KCNAB1: variants seen among roughly 807,000 people sequenced by gnomAD.
KCNAB1 encodes the protein potassium voltage-gated channel subfamily A regulatory beta subunit 1.
In KCNAB1, 35 loss-of-function variants were observed where a neutral mutation model predicts 64.6. That is an observed-to-expected ratio of 0.54 (90% CI 0.41 to 0.72). The LOEUF (loss-of-function observed/expected upper bound fraction) is 0.72, where lower values mean the gene tolerates loss of function less well. KCNAB1 is among the 30% of genes least tolerant of loss of function. The pLI is 0.00. For missense variants in KCNAB1, 401 were observed against 512.9 expected, an observed-to-expected ratio of 0.78 and a Z score of 2.11; for synonymous variants, 177 against 183.8, an observed-to-expected ratio of 0.96 and a Z score of 0.30.
intron 1 of KCNAB1, among the ~76,000 whole-genome samples, chr3:156,146,781 A>G (rs1177301256): frequency 3.3e-5 from 5 of 152,206 alleles, no homozygotes; most frequent in Admixed American, 3.3e-4. Context: ...TGCATATCAC[A>G]AATCTTATTT....
chr3:156,416,584 A>C (rs1715095481), intron 1 of KCNAB1, among the ~76,000 whole-genome samples: 1 of 152,262 alleles, frequency 6.6e-6, no homozygotes, highest in East Asian at 1.9e-4. Flanking sequence ...AGGGCCTACT[A>C]TCCTTTTATT....
intron 1 of KCNAB1, among the ~76,000 whole-genome samples, chr3:156,394,088 A>G (rs995214914): frequency 6.6e-6 from 1 of 152,218 alleles, no homozygotes; most frequent in Admixed American, 6.5e-5. Flanking sequence ...TTAAATGAGA[A>G]CAATATGTAC....
intron 1 of KCNAB1, among the ~76,000 whole-genome samples, chr3:156,413,953 G>T (rs1379692052): frequency 6.6e-6 from 1 of 152,158 alleles, no homozygotes; most frequent in Admixed American, 6.5e-5. Context: ...AGAGAAACAG[G>T]CATTAATTTT....
intron 1 of KCNAB1, among the ~76,000 whole-genome samples, chr3:156,383,145 A>C (rs1318789980): frequency 6.6e-6 from 1 of 152,168 alleles, no homozygotes; most frequent in Non-Finnish European, 1.5e-5. Context: ...CAGTGTGAAG[A>C]GATTAGATTG....
chr3:156,137,562 T>C (rs1714429195), intron 1 of KCNAB1, among the ~76,000 whole-genome samples: 1 of 151,946 alleles, frequency 6.6e-6, no homozygotes, highest in Middle Eastern at 3.2e-3. Flanking sequence ...CTTTTTTTTT[T>C]TTTTGAGACA....
At chr3:156,402,122 A>C (rs556051779) in intron 1 of KCNAB1, among the ~76,000 whole-genome samples, 1 of 151,780 alleles carries the variant, frequency 6.6e-6, no homozygotes, top group Non-Finnish European at 1.5e-5. Context: ...CACATTGTGC[A>C]TATGTACCCT....
chr3:156,438,963 G>C (rs1396589305), intron 2 of KCNAB1, among the ~76,000 whole-genome samples: 1 of 151,906 alleles, frequency 6.6e-6, no homozygotes, highest in East Asian at 1.9e-4. Flanking sequence ...GCAGTGAGCC[G>C]AGGTTGTGCC....
At chr3:156,343,499 T>C in intron 1 of KCNAB1, among the ~76,000 whole-genome samples, 1 of 152,206 alleles carries the variant, frequency 6.6e-6, no homozygotes, top group East Asian at 1.9e-4. Flanking sequence ...CCTCTGGCTA[T>C]AGAGAAGCTT....
chr3:156,193,634 A>C (rs748819986), intron 1 of KCNAB1, among the ~76,000 whole-genome samples: 3 of 152,136 alleles, frequency 2.0e-5, no homozygotes, highest in Non-Finnish European at 2.9e-5. Flanking sequence ...GATGAGAGAG[A>C]GTGAAGGGAG....
intron 1 of KCNAB1, among the ~76,000 whole-genome samples, chr3:156,299,556 T>G (rs1425120406): frequency 6.6e-6 from 1 of 152,256 alleles, no homozygotes; most frequent in Non-Finnish European, 1.5e-5. Flanking sequence ...AATGCTCATT[T>G]GGGCATTCTG....
chr3:156,119,984 C>T (rs1039124753), upstream of KCNAB1, among the ~76,000 whole-genome samples: 8 of 152,090 alleles, frequency 5.3e-5, no homozygotes, highest in Admixed American at 3.9e-4. Context: ...GTTACTGAAT[C>T]GGTTATGAGG....
chr3:156,532,364 C>T (rs1156271461), intron 13 of KCNAB1, among the ~76,000 whole-genome samples: 2 of 152,172 alleles, frequency 1.3e-5, no homozygotes, highest in Non-Finnish European at 2.9e-5. Flanking sequence ...CTGAGCCTAT[C>T]CTACTCTCAA....
At chr3:156,307,348 A>C (rs1721562256) in intron 1 of KCNAB1, among the ~76,000 whole-genome samples, 1 of 130,442 alleles carries the variant, frequency 7.7e-6, no homozygotes, top group Non-Finnish European at 1.6e-5. Flanking sequence ...GAACTTCTTA[A>C]GTTTGGATTC....
downstream of KCNAB1, chr3:156,538,664 A>T (rs1719242805): frequency 6.6e-6 from 1 of 152,254 alleles, no homozygotes; most frequent in Non-Finnish European, 1.5e-5. Context: ...ATATATGTAA[A>T]ACATACACAT....
chr3:156,355,646 ATCT>A (rs1725183454), intron 1 of KCNAB1, among the ~76,000 whole-genome samples: 1 of 152,206 alleles, frequency 6.6e-6, no homozygotes, highest in Non-Finnish European at 1.5e-5. Flanking sequence ...GAGCAAATTT[ATCT>A]TCTTAATCAA....
chr3:156,273,762 G>A (rs7639949), intron 1 of KCNAB1: 30,565 of 421,486 alleles, frequency 0.073, 1,593 homozygotes, highest in African/African-American at 0.18. Flanking sequence ...TTCCTGTGGG[G>A]AGGATGATCA....
chr3:156,130,102 G>A (rs1344648564), intron 1 of KCNAB1, among the ~76,000 whole-genome samples: 1 of 152,114 alleles, frequency 6.6e-6, no homozygotes, highest in African/African-American at 2.4e-5. Context: ...TCTATATGGT[G>A]GAAATAAAAA....
At chr3:156,409,360 C>G (rs983701343) in intron 1 of KCNAB1, among the ~76,000 whole-genome samples, 9 of 152,146 alleles carry the variant, frequency 5.9e-5, no homozygotes, top group Admixed American at 1.3e-4. Flanking sequence ...TCATAGGATT[C>G]TATAGTTGCC....
chr3:156,317,473 G>T (rs571848960), intron 1 of KCNAB1, among the ~76,000 whole-genome samples: 4 of 152,062 alleles, frequency 2.6e-5, no homozygotes, highest in Non-Finnish European at 4.4e-5. Flanking sequence ...GAATATATGT[G>T]TGTTCATTGT....
Sources: allele counts gnomAD v4.1 joint callset (sites outside exome capture counted in the v4.1 genomes callset), GRCh38; gene constraint gnomAD v4.1.1; transcripts MANE v1.5; gene names NCBI Gene and HGNC (gene_info 2026-07-23, HGNC 2026-07-21).